DGKK: variants seen among roughly 807,000 people sequenced by gnomAD.
DGKK encodes 142 kDa diacylglycerol kinase.
Under a neutral mutation model 92.2 loss-of-function variants are expected in DGKK, and 35 were observed. The ratio of observed to expected loss-of-function variants is 0.38; its 90% CI spans 0.29 to 0.50. The LOEUF is 0.50. Among genes scored for constraint, DGKK ranks in the 20% least tolerant of loss-of-function variants. DGKK has a pLI of 0.92. For synonymous variants in DGKK, 368 were observed against 360.6 expected (o/e 1.02, Z -0.23); for missense variants, 910 against 992.2 (o/e 0.92, Z 1.11).
At chrX:50,385,450 G>A (rs942704506) in intron 15 of DGKK, among the ~76,000 whole-genome samples, 1 of 112,207 alleles carries the variant, frequency 8.9e-6, no homozygotes, top group African/African-American at 3.2e-5. Context: ...CATATGTGTT[G>A]ATGGAGCAGA....
At chrX:50,391,652 A>G in intron 10 of DGKK, 76 bp from the exon 11 acceptor site, 5 of 1,082,724 alleles carry the variant, frequency 4.6e-6, no homozygotes, top group Non-Finnish European at 6.3e-6. Context: ...CCCAGAGGGT[A>G]CTCTTTGGGA....
At chrX:50,381,442 T>C (rs1032417507) in intron 18 of DGKK, among the ~76,000 whole-genome samples, 7 of 111,388 alleles carry the variant, frequency 6.3e-5, no homozygotes, top group Admixed American at 3.8e-4. Flanking sequence ...CACTCCAGCC[T>C]AGGCGACAGA....
At chrX:50,397,791 C>T (rs943164306) in intron 8 of DGKK, among the ~76,000 whole-genome samples, 4 of 111,519 alleles carry the variant, frequency 3.6e-5, no homozygotes, top group Non-Finnish European at 7.5e-5. Flanking sequence ...GTGTGTATAC[C>T]GTATACCCAG....
chrX:50,376,764 A>G lies in DGKK; in HGVS notation c.3266T>C (p.Ile1089Thr). 17 of 1,188,144 alleles carry G rather than the reference A, an allele frequency of 1.4e-5. No homozygotes were observed. The highest frequency in any genetic ancestry group is 1.9e-5 in the Non-Finnish European group (17 of 882,539). ...QHLARLAENL[I>T]SKLNDLSKIH... is the part of the protein sequence containing the mutation. ...TCTAGGCCAGTCCACTTACTTGCTG[A>G]TGAGGTTTTCTGCAAGCCGAGCTAA... Residue 1089 changes from isoleucine to threonine, a missense_variant, in exon 23 of 28, where the codon ATC becomes ACC. By Grantham distance (89) the Ile-to-Thr change is moderately conservative (BLOSUM62 -1). Transcript: ENST00000611977.
chrX:50,386,345 C>G lies in DGKK; in HGVS notation c.2347+13G>C. 1 of 1,190,854 alleles carries G rather than the reference C, an allele frequency of 8.4e-7. No homozygotes were observed. Among genetic ancestry groups the G allele is most frequent in the Non-Finnish European group, 1.1e-6 (1 of 876,882 alleles). ...TTCCCCTACCTCAGTCACTACAACC[C>G]TGGCCACCTTACCTTGTTCAACTTG... On this transcript the variant is annotated intron_variant, in intron 15 of 27. Coordinates refer to ENST00000611977, the MANE Select transcript of DGKK (RefSeq NM_001013742.4).
intron 14 of DGKK, 134 bp downstream of exon 14, chrX:50,387,420 C>T (rs960311557): frequency 6.0e-6 from 3 of 503,030 alleles, no homozygotes; most frequent in Non-Finnish European, 9.9e-6. Context: ...AGACCTTCCT[C>T]ATCAGGGAGG....
chrX:50,466,892 T>C (rs1325770609), intron 1 of DGKK, among the ~76,000 whole-genome samples: 4 of 112,085 alleles, frequency 3.6e-5, no homozygotes, highest in African/African-American at 9.7e-5. Flanking sequence ...TGGTTATTAC[T>C]GTGCAGTCAT....
chrX:50,407,475 C>CAGAGAGAGAGAGAGAGAAGAAAGAA (rs1173951861), intron 4 of DGKK, among the ~76,000 whole-genome samples: 1 of 107,907 alleles, frequency 9.3e-6, no homozygotes, highest in Non-Finnish European at 1.9e-5. Flanking sequence ...CGTGTGCATG[C>CAGAGAGAGAGAGAGAGAAGAAAGAA]AGAGAGAGAG....
intron 1 of DGKK, among the ~76,000 whole-genome samples, chrX:50,452,023 G>A (rs560565444): frequency 4.5e-5 from 5 of 112,177 alleles, no homozygotes; most frequent in African/African-American, 1.6e-4. Context: ...TAGTTTTAAA[G>A]AATCAGTTAG....
chrX:50,371,587 G>A, intron 26 of DGKK, 137 bp downstream of exon 26: 1 of 442,105 alleles, frequency 2.3e-6, no homozygotes, highest in Non-Finnish European at 3.9e-6. Flanking sequence ...CAGGGAGGAA[G>A]CTCCAGTAAC....
intron 26 of DGKK, 67 bp downstream of exon 26, chrX:50,371,657 C>T: frequency 1.2e-6 from 1 of 840,976 alleles, no homozygotes; most frequent in Non-Finnish European, 1.7e-6. Flanking sequence ...CTGGCCCACA[C>T]TGGAAGGGAA....
intron 4 of DGKK, among the ~76,000 whole-genome samples, chrX:50,409,396 CCTCCAGGA>C (rs1450657490): frequency 9.0e-6 from 1 of 111,171 alleles, no homozygotes; most frequent in Admixed American, 9.5e-5. Context: ...AGACTTCTAG[CCTCCAGGA>C]CTCTGAGAAA....
chrX:50,421,435 G>C (rs1485951274), intron 3 of DGKK, among the ~76,000 whole-genome samples: 1 of 112,050 alleles, frequency 8.9e-6, no homozygotes. Context: ...GGAGCTAGTT[G>C]GGATTGTGAT....
intron 22 of DGKK, among the ~76,000 whole-genome samples, chrX:50,377,791 G>A (rs1924310695): frequency 9.0e-6 from 1 of 111,709 alleles, no homozygotes; most frequent in African/African-American, 3.3e-5. Flanking sequence ...TAACCTTGTC[G>A]AAAACCAGGG....
chrX:50,415,034 G>A lies in DGKK; in HGVS notation c.942+5369C>T, dbSNP rs999788156. Among the ~76,000 whole-genome samples the A allele has an allele frequency of 4.5e-5, 5 of 112,125 alleles. No individual in the cohort carries two copies. In the South Asian group the frequency reaches 1.5e-3, roughly 34 times the overall value. ...AAAGTGCACAGTTCTAGGTGACAAG[G>A]CTGTCTCCACGTCAATTTCAAAGGG... On this transcript the variant is annotated intron_variant, in intron 4 of 27. Transcript: ENST00000611977.
At chrX:50,449,655 A>G (rs1295001707) in intron 1 of DGKK, among the ~76,000 whole-genome samples, 2 of 109,284 alleles carry the variant, frequency 1.8e-5, no homozygotes, top group Non-Finnish European at 3.8e-5. Context: ...GCTCACAACC[A>G]CTCCTGTGCT....
At chrX:50,377,015 A>G in intron 22 of DGKK, 97 bp from the exon 23 acceptor site, 1 of 890,261 alleles carries the variant, frequency 1.1e-6, no homozygotes, top group South Asian at 3.2e-5. Flanking sequence ...GGCAATGGGT[A>G]TGTGGGTACA....
intron 4 of DGKK, among the ~76,000 whole-genome samples, chrX:50,419,522 T>G (rs1925518074): frequency 8.9e-6 from 1 of 112,430 alleles, no homozygotes; most frequent in Non-Finnish European, 1.9e-5. Flanking sequence ...CACCTTCCCC[T>G]TTATCTCTAA....
intron 1 of DGKK, among the ~76,000 whole-genome samples, chrX:50,437,228 G>T (rs1308093428): frequency 9.0e-6 from 1 of 111,477 alleles, no homozygotes; most frequent in Non-Finnish European, 1.9e-5. Context: ...AGAACCTACT[G>T]CTACCTTTTT....
Sources: gnomAD v4.1 joint callset for allele counts (sites outside exome capture counted in the v4.1 genomes callset) on GRCh38, gnomAD v4.1.1 for gene constraint, MANE v1.5 for transcripts, NCBI Gene and HGNC (gene_info 2026-07-23, HGNC 2026-07-21) for gene names.